The following OLFML2A variants were observed in gnomAD, a reference collection of about 807,000 sequenced individuals.
The protein encoded by OLFML2A is olfactomedin-like protein 2A.
Under a neutral mutation model 60.9 loss-of-function variants are expected in OLFML2A, and 47 were observed. The ratio of observed to expected loss-of-function variants is 0.77; its 90% confidence interval spans 0.61 to 0.98. The LOEUF is 0.98. Ranked by LOEUF, OLFML2A falls within the 50% of genes least tolerant of loss-of-function variation. OLFML2A has a pLI of 0.00. For missense variants in OLFML2A, 922 were observed against 879.8 expected, an observed-to-expected ratio of 1.05 and a Z score of -0.61; for synonymous variants, 372 against 375.0, an observed-to-expected ratio of 0.99 and a Z score of 0.09.
rs577158818 is a variant in OLFML2A at position 124,810,538 on chromosome 9, G to A, written c.*126G>A. The A allele has an allele frequency of 4.8e-5, 46 of 966,968 alleles. No individual in the cohort carries two copies. The highest frequency in any genetic ancestry group is 2.9e-4 in the Admixed American group (10 of 35,032). 59.9% of individuals were successfully genotyped at this position (966,968 alleles called of 1,614,324 possible). On this transcript the variant is annotated 3_prime_UTR_variant, in exon 8 of 8. Coordinates refer to ENST00000373580, the MANE Select transcript of OLFML2A (RefSeq NM_182487.4). ...GCCCAGGGCTGGGACTGGGCATGAGGTGGTCACCAGGATTGAGCTTCCTCA... is the reference window on the plus strand; with the variant it reads ...GCCCAGGGCTGGGACTGGGCATGAGATGGTCACCAGGATTGAGCTTCCTCA...
chr9:124,808,273 T>C (rs1456659719), intron 7 of OLFML2A, among the ~76,000 whole-genome samples: 1 of 152,188 alleles, frequency 6.6e-6, no homozygotes, highest in Non-Finnish European at 1.5e-5. Context: ...GAGTTTCCAT[T>C]TGTTGAACGC....
chr9:124,802,368 T>A (rs1441462458), intron 5 of OLFML2A, among the ~76,000 whole-genome samples: 1 of 152,196 alleles, frequency 6.6e-6, no homozygotes, highest in African/African-American at 2.4e-5. Context: ...GCTCCTCCCC[T>A]TCCTAGGTCC....
rs549641804 is a variant in OLFML2A, at chr9:124,787,027, G to A, written c.143G>A (p.Arg48His). The change falls in exon 2 of 8, where the codon CGT (arginine) becomes CAT (histidine). Residue 48 changes from arginine to histidine, a missense_variant. Physicochemically the swap from Arg to His is conservative, Grantham distance 29. Transcript: ENST00000373580. ...VRMTSEGSDCRCKCIMRPLSK... is the reference protein window; with the variant it reads ...VRMTSEGSDCHCKCIMRPLSK... ...ATGACCTCGGAGGGCTCCGACTGCCGTTGCAAGTGCATCATGCGGCCCCTG... is the reference window on the plus strand; with the variant it reads ...ATGACCTCGGAGGGCTCCGACTGCCATTGCAAGTGCATCATGCGGCCCCTG... 5.1e-5 allele frequency: 82 copies of A among 1,613,804 alleles called. No individual in the cohort carries two copies. The highest frequency in any genetic ancestry group is 6.5e-5 in the Non-Finnish European group (77 of 1,179,978).
rs112598711 is a variant in OLFML2A at position 124,809,001 on chromosome 9, TAA to T, written c.1355-792_1355-791del. On this transcript the variant is annotated intron_variant, in intron 7 of 7. Transcript: ENST00000373580. ...TGAAACCCCGTCTCTACTAAAAAAT[TAA>T]AAAAAAAAAAAAAATTAGCTGGGTG... is the stretch of plus-strand genomic sequence containing the variant. 8.3e-3 allele frequency among the ~76,000 whole-genome samples: 1,156 copies of T among 140,118 alleles called. 9 individuals carry two copies. The highest frequency in any genetic ancestry group is 0.024 in the African/African-American group (921 of 37,942). 91.9% of individuals were successfully genotyped at this position (140,118 alleles called of 152,430 possible). A position where few individuals can be genotyped will look rare whatever the true frequency, so the allele number is the denominator to read the frequency against.
chr9:124,783,129 C>T (rs1323570181), intron 1 of OLFML2A, among the ~76,000 whole-genome samples: 2 of 151,876 alleles, frequency 1.3e-5, no homozygotes, highest in African/African-American at 4.8e-5. Flanking sequence ...CCACCCTCCT[C>T]CCCACGCTCC....
intron 1 of OLFML2A, chr9:124,778,786 G>C (rs992031588): frequency 1.2e-5 from 2 of 167,786 alleles, no homozygotes; most frequent in African/African-American, 4.8e-5. Flanking sequence ...AACAGAGCAA[G>C]ATTGTGTCTT....
rs923105765 is a variant in OLFML2A, at chr9:124,777,353, A to G, written c.83A>G (p.Asp28Gly). Residue 28 changes from aspartate (D) to glycine (G), a missense_variant, in exon 1 of 8, where the codon GAC becomes GGC. Physicochemically the swap from Asp to Gly is moderately conservative, Grantham distance 94. Transcript: ENST00000373580. This position sits in a 1 kb window ranked among gnomAD's most constrained non-coding sequence, Gnocchi z 6.2. ...LLLSGRPTRA[D>G]SKVFGDLDQV... ...CTGAGCGGCCGCCCCACGCGCGCCG[A>G]CAGTAAGGTACGCACGCCCCTCGGA... is the stretch of plus-strand genomic sequence containing the variant. 3 of 1,284,332 alleles carry G rather than the reference A, an allele frequency of 2.3e-6. No homozygotes were observed. The African/African-American group carries it at 4.6e-5, about 20-fold the overall frequency. 79.6% of individuals were successfully genotyped at this position (1,284,332 alleles called of 1,614,324 possible). A position where few individuals can be genotyped will look rare whatever the true frequency, so the allele number is the denominator to read the frequency against.
chr9:124,787,015 G>A lies in OLFML2A; in HGVS notation c.131G>A (p.Gly44Asp). Residue 44 changes from glycine to aspartate, a missense_variant, in exon 2 of 8, where the codon GGC becomes GAC. Physicochemically the swap from Gly to Asp is moderately conservative, Grantham distance 94 (BLOSUM62 -1). Coordinates refer to ENST00000373580, the MANE Select transcript of OLFML2A (RefSeq NM_182487.4). ...GACCAGGTGAGGATGACCTCGGAGG[G>A]CTCCGACTGCCGTTGCAAGTGCATC... Reference protein sequence around the residue: ...DLDQVRMTSEGSDCRCKCIMR... With the variant: ...DLDQVRMTSEDSDCRCKCIMR... 1.9e-6 allele frequency: 3 copies of A among 1,613,818 alleles called. No homozygotes were observed. The highest frequency in any genetic ancestry group is 2.2e-5 in the South Asian group (2 of 91,076).
At chr9:124,808,219 G>T (rs547720323) in intron 7 of OLFML2A, among the ~76,000 whole-genome samples, 2 of 152,348 alleles carry the variant, frequency 1.3e-5, no homozygotes, top group East Asian at 3.9e-4. Context: ...GAGAGACATG[G>T]TCCTGCCCTC....
In OLFML2A at chr9:124,809,864, G is replaced by A; in HGVS notation, c.1411G>A (p.Val471Met). The A allele has an allele frequency of 3.7e-6, 6 of 1,614,158 alleles. No homozygotes were observed. The highest frequency in any genetic ancestry group is 1.6e-4 in the Middle Eastern group (1 of 6,062). Reference sequence around the variant, plus strand: ...CAACTGGATCGGCACAGGCCACGTGGTGTACCAGGGCGCCTTCTACTACAA... The same window carrying A: ...CAACTGGATCGGCACAGGCCACGTGATGTACCAGGGCGCCTTCTACTACAA... ...PYNWIGTGHV[V>M]YQGAFYYNRA... The change falls in exon 8 of 8, where the codon GTG becomes ATG. Residue 471 changes from valine to methionine, a missense_variant. Transcript: ENST00000373580.
At chr9:124,783,447 C>T (rs1841399741) in intron 1 of OLFML2A, among the ~76,000 whole-genome samples, 1 of 152,046 alleles carries the variant, frequency 6.6e-6, no homozygotes, top group Non-Finnish European at 1.5e-5. Flanking sequence ...GGTAACAGAG[C>T]AAGACCCTGT....
chr9:124,792,998 G>A (rs530947485), intron 2 of OLFML2A, among the ~76,000 whole-genome samples: 8 of 152,254 alleles, frequency 5.3e-5, no homozygotes, highest in South Asian at 2.1e-4. Context: ...ACAGCCTCCC[G>A]CCCCCGTCTC....
chr9:124,786,234 G>A (rs1387480837), intron 1 of OLFML2A, among the ~76,000 whole-genome samples: 1 of 152,152 alleles, frequency 6.6e-6, no homozygotes, highest in Non-Finnish European at 1.5e-5. Flanking sequence ...ACTAGCCTGA[G>A]CAACATGGCA....
chr9:124,777,312 GC>G lies in OLFML2A; in HGVS notation c.44del (p.Pro15ArgfsTer2). On this transcript the variant is annotated frameshift_variant, in exon 1 of 8. Transcript: ENST00000373580. LOFTEE classifies it high-confidence loss of function. The surrounding 1 kb of genome is among the most constrained non-coding windows in gnomAD (Gnocchi z 6.2). ...TCCCGCCCCGGCCGCTGCTCCTTCT[GC>G]CGCTAGTGCTGCTGCTGAGCGGCCG... The part of the protein sequence containing the change: ...ALPPRPLLLL[P>X]LVLLLSGRPT... 1 of 1,293,810 alleles carries G rather than the reference GC, an allele frequency of 7.7e-7. No homozygotes were observed. The highest frequency in any genetic ancestry group is 9.9e-7 in the Non-Finnish European group (1 of 1,014,408). The allele number at this position is 1,293,810 out of a possible 1,614,324, so 80.1% of individuals were successfully genotyped here.
intron 6 of OLFML2A, among the ~76,000 whole-genome samples, chr9:124,804,707 G>T (rs562201527): frequency 2.2e-4 from 33 of 151,590 alleles, no homozygotes; most frequent in African/African-American, 7.7e-4. Context: ...CTGGGCGAAA[G>T]AAATTTTTTT....
At chr9:124,803,056 G>A (rs7867397) in intron 5 of OLFML2A, among the ~76,000 whole-genome samples, 103,361 of 151,696 alleles carry the variant, frequency 0.68, 35,481 homozygotes, top group East Asian at 0.82. Flanking sequence ...TTACAGGCAC[G>A]TGCCACCATG....
chr9:124,784,940 C>CTTTTT (rs1461676348), intron 1 of OLFML2A, among the ~76,000 whole-genome samples: 3 of 50,044 alleles, frequency 6.0e-5, no homozygotes, highest in East Asian at 6.9e-4. Flanking sequence ...ATTCCTTTTA[C>CTTTTT]TTGTTTTTTT....
chr9:124,783,162 C>G (rs1841393636), intron 1 of OLFML2A, among the ~76,000 whole-genome samples: 1 of 151,974 alleles, frequency 6.6e-6, no homozygotes, highest in South Asian at 2.1e-4. Flanking sequence ...TTCCCCTGCC[C>G]CTCCGCAGGC....
At chr9:124,807,340 G>T (rs1369961511) in intron 6 of OLFML2A, among the ~76,000 whole-genome samples, 1 of 147,116 alleles carries the variant, frequency 6.8e-6, no homozygotes, top group Non-Finnish European at 1.5e-5. Flanking sequence ...CCAGAGTGCA[G>T]TGGCATGATC....
Sources: gnomAD v4.1 joint callset for allele counts (sites outside exome capture counted in the v4.1 genomes callset) on GRCh38, gnomAD v4.1.1 for gene constraint, Gnocchi (gnomAD v3.1) non-coding constraint, MANE v1.5 for transcripts, NCBI Gene and HGNC (gene_info 2026-07-23, HGNC 2026-07-21) for gene names.